Variants in NLK observed in about 807,000 individuals in gnomAD.
NLK encodes nemo like kinase, also known as serine/threonine-protein kinase NLK.
NLK carries 11 observed loss-of-function variants against 59.0 expected under a neutral mutation model. That is an observed-to-expected ratio of 0.19 (90% CI 0.12 to 0.31). The LOEUF is 0.31. Among genes scored for constraint, NLK ranks in the 10% least tolerant of loss-of-function variants. The pLI is 1.00. For synonymous variants in NLK, 235 were observed against 235.9 expected (o/e 1.00, Z 0.03); for missense variants, 410 against 661.1 (o/e 0.62, Z 4.16).
At chr17:28,135,278 A>T (rs1225244195) in intron 3 of NLK, among the ~76,000 whole-genome samples, 2 of 152,192 alleles carry the variant, frequency 1.3e-5, no homozygotes, top group Admixed American at 1.3e-4. Flanking sequence ...AGAAGAACTC[A>T]CAGGACCCAG....
chr17:28,181,557 A>G (rs1908905779), intron 7 of NLK, among the ~76,000 whole-genome samples: 1 of 151,862 alleles, frequency 6.6e-6, no homozygotes, highest in South Asian at 2.1e-4. Flanking sequence ...CAATAGAGCA[A>G]GACTCTGTCT....
chr17:28,150,457 G>A (rs1907433602), intron 3 of NLK, among the ~76,000 whole-genome samples: 1 of 152,136 alleles, frequency 6.6e-6, no homozygotes, highest in South Asian at 2.1e-4. Context: ...TTTACTGACT[G>A]GGAATGTGAC....
At chr17:28,072,430 A>G (rs550549130) in intron 1 of NLK, among the ~76,000 whole-genome samples, 28 of 150,992 alleles carry the variant, frequency 1.9e-4, no homozygotes, top group South Asian at 1.0e-3. Flanking sequence ...TGCTCAAGCA[A>G]TCCTCCAACT....
At chr17:28,053,119 T>C (rs1909317313) in intron 1 of NLK, among the ~76,000 whole-genome samples, 1 of 152,086 alleles carries the variant, frequency 6.6e-6, no homozygotes, top group African/African-American at 2.4e-5. Flanking sequence ...TCTGAACCAG[T>C]CACTGTCAAT....
intron 2 of NLK, among the ~76,000 whole-genome samples, chr17:28,123,479 A>G (rs1906160800): frequency 6.6e-6 from 1 of 152,226 alleles, no homozygotes; most frequent in South Asian, 2.1e-4. Context: ...GTAAATATTG[A>G]TGCAAAGCAA....
chr17:28,202,021 GA>G, the NLK span, among the ~76,000 whole-genome samples: 1 of 148,680 alleles, frequency 6.7e-6, no homozygotes, highest in Non-Finnish European at 1.5e-5. Context: ...GTCTCAAAAG[GA>G]AAAAAAAAGC....
intron 8 of NLK, among the ~76,000 whole-genome samples, 151 bp downstream of exon 8, chr17:28,185,416 C>T (rs1476021336): frequency 6.6e-6 from 1 of 152,182 alleles, no homozygotes; most frequent in Non-Finnish European, 1.5e-5. Flanking sequence ...CATGCACGCT[C>T]ATCACACAGA....
chr17:28,073,405 T>C (rs982055063), intron 1 of NLK, among the ~76,000 whole-genome samples: 4 of 152,210 alleles, frequency 2.6e-5, no homozygotes, highest in South Asian at 2.1e-4. Flanking sequence ...CCACCGAGGA[T>C]TGGCCAGTAA....
chr17:28,055,493 C>T (rs968856972), intron 1 of NLK, among the ~76,000 whole-genome samples: 1 of 151,792 alleles, frequency 6.6e-6, no homozygotes, highest in Non-Finnish European at 1.5e-5. Flanking sequence ...TAACCCACTA[C>T]ACCCAGCTGT....
At chr17:28,081,579 T>G (rs1910348939) in intron 1 of NLK, among the ~76,000 whole-genome samples, 1 of 152,134 alleles carries the variant, frequency 6.6e-6, no homozygotes, top group Non-Finnish European at 1.5e-5. Flanking sequence ...GAAAGTCTCT[T>G]TCATTGTGGG....
At chr17:28,044,797 G>T (rs923161140) in intron 1 of NLK, among the ~76,000 whole-genome samples, 1 of 152,128 alleles carries the variant, frequency 6.6e-6, no homozygotes, top group Non-Finnish European at 1.5e-5. Flanking sequence ...TTTTGTCATT[G>T]ATTTACTAAT....
At chr17:28,111,762 G>C (rs1346602687) in intron 1 of NLK, among the ~76,000 whole-genome samples, 1 of 151,618 alleles carries the variant, frequency 6.6e-6, no homozygotes, top group African/African-American at 2.4e-5. Context: ...TTAATTTTTA[G>C]CCTAGCTTTC....
downstream of NLK, among the ~76,000 whole-genome samples, chr17:28,198,194 T>A (rs1429910506): frequency 1.3e-5 from 2 of 152,218 alleles, no homozygotes; most frequent in African/African-American, 2.4e-5. Context: ...TGGAGTGCAG[T>A]GGCTTGATCA....
intron 2 of NLK, among the ~76,000 whole-genome samples, chr17:28,122,948 GCA>G (rs144768705): frequency 6.6e-6 from 1 of 151,886 alleles, no homozygotes; most frequent in East Asian, 1.9e-4. Flanking sequence ...TGAAAGAGAT[GCA>G]CACACACACA....
At chr17:28,197,977 A>G (rs1909525835), downstream of NLK, among the ~76,000 whole-genome samples, 1 of 152,244 alleles carries the variant, frequency 6.6e-6, no homozygotes, top group African/African-American at 2.4e-5. Context: ...AATGGTGAAC[A>G]AAGAAATCAG....
chr17:28,149,399 A>AC (rs1193822517), intron 3 of NLK, among the ~76,000 whole-genome samples: 18 of 152,294 alleles, frequency 1.2e-4, no homozygotes, highest in African/African-American at 3.8e-4. Flanking sequence ...ATTTTAGGAA[A>AC]CCAAATATGA....
intron 1 of NLK, among the ~76,000 whole-genome samples, chr17:28,093,177 G>C (rs1454642030): frequency 6.6e-6 from 1 of 152,072 alleles, no homozygotes; most frequent in Non-Finnish European, 1.5e-5. Context: ...GTTGGGAGGG[G>C]AGTTGCAGGG....
intron 8 of NLK, among the ~76,000 whole-genome samples, chr17:28,189,364 G>A (rs540947273): frequency 1.3e-5 from 2 of 152,276 alleles, no homozygotes; most frequent in African/African-American, 4.8e-5. Flanking sequence ...TGTTGAAAAT[G>A]TCAAAAAGTC....
At chr17:28,063,701 C>T (rs1909741244) in intron 1 of NLK, among the ~76,000 whole-genome samples, 1 of 152,106 alleles carries the variant, frequency 6.6e-6, no homozygotes, top group African/African-American at 2.4e-5. Context: ...TATGGAACAC[C>T]TTATTCCTCA....
Sources: gnomAD v4.1 joint callset for allele counts (sites outside exome capture counted in the v4.1 genomes callset) on GRCh38, gnomAD v4.1.1 for gene constraint, MANE v1.5 for transcripts, NCBI Gene and HGNC (gene_info 2026-07-23, HGNC 2026-07-21) for gene names.